The following BMPR1A variants were observed in gnomAD, a reference collection of about 807,000 sequenced individuals.
BMPR1A encodes bone morphogenetic protein receptor type 1A.
A neutral mutation model predicts 66.0 loss-of-function variants in BMPR1A; 7 were observed. The ratio of observed to expected loss-of-function variants is 0.11; its 90% CI spans 0.06 to 0.20. BMPR1A has a LOEUF of 0.20. Among genes scored for constraint, BMPR1A ranks in the 10% least tolerant of loss-of-function variants. BMPR1A has a pLI of 1.00. For synonymous variants in BMPR1A, 200 were observed against 229.7 expected, an observed-to-expected ratio of 0.87 and a Z score of 1.17; for missense variants, 408 against 669.1, an observed-to-expected ratio of 0.61 and a Z score of 4.31.
intron 5 of BMPR1A, among the ~76,000 whole-genome samples, chr10:86,893,325 A>G (rs1000242072): frequency 3.3e-5 from 5 of 152,210 alleles, no homozygotes; most frequent in African/African-American, 9.6e-5. Flanking sequence ...GTAATAGTTT[A>G]TGAGCATCCT....
At chr10:86,823,112 G>C (rs554012479) in intron 1 of BMPR1A, among the ~76,000 whole-genome samples, 23 of 152,190 alleles carry the variant, frequency 1.5e-4, no homozygotes, top group Non-Finnish European at 2.8e-4. Context: ...AAATCAACCA[G>C]CAAGTGTTTG....
At chr10:86,877,711 T>C (rs573304237) in intron 3 of BMPR1A, among the ~76,000 whole-genome samples, 4 of 152,350 alleles carry the variant, frequency 2.6e-5, no homozygotes, top group African/African-American at 9.6e-5. Flanking sequence ...ATCTGTTACA[T>C]GCCTTGTTGA....
intron 5 of BMPR1A, among the ~76,000 whole-genome samples, chr10:86,899,325 C>G (rs148886885): frequency 3.3e-5 from 5 of 152,372 alleles, no homozygotes; most frequent in African/African-American, 1.2e-4. Context: ...CCTTCCCTCA[C>G]CATGGATGCT....
chr10:86,860,485 C>T (rs946257349), intron 2 of BMPR1A, among the ~76,000 whole-genome samples: 3 of 151,980 alleles, frequency 2.0e-5, no homozygotes, highest in Admixed American at 6.6e-5. Flanking sequence ...AAATGCTAAA[C>T]GGGGCTGGGC....
rs1234139954 is a variant in BMPR1A, at chr10:86,921,421, C to T, written c.1167-99C>T. On this transcript the variant is annotated intron_variant, in intron 10 of 12. Transcript: ENST00000372037. ...CTAAATTCCACAATGCATCTGGCCCCAAGGAGAAAAAGAAGCTTTTATAAA... is the reference window on the plus strand; with the variant it reads ...CTAAATTCCACAATGCATCTGGCCCTAAGGAGAAAAAGAAGCTTTTATAAA... The T allele has an allele frequency of 7.9e-5, 118 of 1,499,928 alleles. No individual in the cohort carries two copies. In the South Asian group the frequency reaches 1.3e-3, roughly 17 times the overall value. 92.9% of individuals were successfully genotyped at this position (1,499,928 alleles called of 1,614,324 possible).
chr10:86,811,006 A>G (rs564433326), intron 1 of BMPR1A, among the ~76,000 whole-genome samples: 9 of 152,228 alleles, frequency 5.9e-5, no homozygotes, highest in African/African-American at 1.9e-4. Context: ...CTTGCCGGTG[A>G]ACCACCACAG....
chr10:86,875,279 A>C (rs1216209196), intron 2 of BMPR1A, among the ~76,000 whole-genome samples: 1 of 151,116 alleles, frequency 6.6e-6, no homozygotes, highest in Non-Finnish European at 1.5e-5. Flanking sequence ...AGGCTGAGGC[A>C]GGAGAATCAC....
chr10:86,919,799 A>C (rs946564868), intron 10 of BMPR1A, among the ~76,000 whole-genome samples: 4 of 151,824 alleles, frequency 2.6e-5, no homozygotes, highest in African/African-American at 9.7e-5. Flanking sequence ...CCTCGACCTC[A>C]TGGGCTCAAG....
At chr10:86,801,737 G>A (rs1225407928) in intron 1 of BMPR1A, among the ~76,000 whole-genome samples, 2 of 151,014 alleles carry the variant, frequency 1.3e-5, no homozygotes, top group Non-Finnish European at 3.0e-5. Flanking sequence ...TTTGTGAGAC[G>A]GAGTCTTGCT....
At chr10:86,814,171 A>G (rs1196525951) in intron 1 of BMPR1A, among the ~76,000 whole-genome samples, 1 of 152,026 alleles carries the variant, frequency 6.6e-6, no homozygotes, top group Non-Finnish European at 1.5e-5. Context: ...TTAAATATGT[A>G]GTTTCTAATT....
chr10:86,899,973 A>G, intron 6 of BMPR1A, 54 bp from the exon 7 acceptor site: 1 of 1,610,556 alleles, frequency 6.2e-7, no homozygotes. Context: ...AGAATTGAAC[A>G]CGTCAGATTA....
chr10:86,835,549 CAAAAAAAAAAAAAAAAAAAAAAAAAAAA>C (rs55804247), intron 1 of BMPR1A, among the ~76,000 whole-genome samples: 1 of 44,326 alleles, frequency 2.3e-5, no homozygotes, highest in African/African-American at 1.0e-4. Flanking sequence ...GACTCTGTAT[CAAAAAAAAAAAAAAAAAAAAAAAAAAAA>C]AAAAAAAAAA....
chr10:86,790,207 AT>A (rs1841592099), intron 1 of BMPR1A, among the ~76,000 whole-genome samples: 1 of 43,016 alleles, frequency 2.3e-5, no homozygotes, highest in African/African-American at 7.8e-5. Context: ...ATATATATAT[AT>A]ATATATATAT....
chr10:86,790,187 AAATATATATATATATATATAT>A (rs1589717164), intron 1 of BMPR1A, among the ~76,000 whole-genome samples: 3 of 28,486 alleles, frequency 1.1e-4, no homozygotes, highest in East Asian at 2.1e-3. Flanking sequence ...AAAAAAAAAA[AAATATATATATATATATATAT>A]ATATATATAT....
At chr10:86,840,323 G>GT (rs1201050108) in intron 2 of BMPR1A, among the ~76,000 whole-genome samples, 8 of 152,222 alleles carry the variant, frequency 5.3e-5, no homozygotes, top group Middle Eastern at 3.4e-3. Flanking sequence ...AAAAAATAAC[G>GT]TAACTCTCGA....
downstream of BMPR1A, chr10:86,929,179 G>T (rs972614387): frequency 6.6e-6 from 1 of 151,940 alleles, no homozygotes; most frequent in African/African-American, 2.4e-5. Flanking sequence ...TTACATTTCT[G>T]AAAATGAGAC....
intron 7 of BMPR1A, among the ~76,000 whole-genome samples, chr10:86,901,564 C>T (rs1843310537): frequency 6.6e-6 from 1 of 152,214 alleles, no homozygotes; most frequent in Admixed American, 6.5e-5. Context: ...AGTCACTGCT[C>T]ATTCATCTGC....
chr10:86,891,795 CAT>C (rs1843153545), intron 4 of BMPR1A, among the ~76,000 whole-genome samples: 1 of 152,164 alleles, frequency 6.6e-6, no homozygotes. Context: ...GTTTTCAAAA[CAT>C]GACATAAAAT....
chr10:86,862,627 G>A lies in BMPR1A; in HGVS notation c.-152-13240G>A, dbSNP rs73350095. 5.6e-3 allele frequency among the ~76,000 whole-genome samples: 854 copies of A among 152,240 alleles called. 8 individuals are homozygous for A. The highest frequency in any genetic ancestry group is 0.019 in the African/African-American group (807 of 41,522). On this transcript the variant is annotated intron_variant, in intron 2 of 12. Coordinates refer to ENST00000372037, the MANE Select transcript of BMPR1A (RefSeq NM_004329.3). ...AGGGGTTAGTGGCTTGGTCCAGAGC[G>A]AGCAGTGGAGGTAGTAGGAAGTGTG...
Sources: gnomAD v4.1 joint callset for allele counts (sites outside exome capture counted in the v4.1 genomes callset) on GRCh38, gnomAD v4.1.1 for gene constraint, MANE v1.5 for transcripts, NCBI Gene and HGNC (gene_info 2026-07-23, HGNC 2026-07-21) for gene names.